The following BCL11A variants were observed in gnomAD, a reference collection of about 807,000 sequenced individuals.
The protein encoded by BCL11A is B cell CLL/lymphoma 11A.
Under a neutral mutation model 55.9 loss-of-function variants are expected in BCL11A, and 2 were observed. That is an observed-to-expected ratio of 0.04 (90% confidence interval 0.01 to 0.11). The LOEUF is 0.11. Ranked by LOEUF, BCL11A falls within the 10% of genes least tolerant of loss-of-function variation. The pLI is 1.00. For synonymous variants in BCL11A, 465 were observed against 473.4 expected (o/e 0.98, Z 0.23); for missense variants, 817 against 1,137.1 (o/e 0.72, Z 4.05).
chr2:60,518,463 A>C (rs1668832104), intron 2 of BCL11A, among the ~76,000 whole-genome samples: 1 of 152,234 alleles, frequency 6.6e-6, no homozygotes, highest in South Asian at 2.1e-4. Context: ...ATGACATTCC[A>C]ACTCACCTGC....
rs748945089 is a variant in BCL11A at position 60,461,298 on chromosome 2, G to A, written c.1614C>T (p.Asp538=). 86 of 1,601,838 alleles carry A rather than the reference G, an allele frequency of 5.4e-5. No individual in the cohort carries two copies. Among genetic ancestry groups the A allele is most frequent in the Non-Finnish European group, 6.9e-5 (81 of 1,178,544 alleles). Residue 538 remains aspartate, a synonymous_variant, in exon 4 of 4, where the codon GAC becomes GAT. Coordinates refer to ENST00000642384, the MANE Select transcript of BCL11A (RefSeq NM_022893.4). ...SSRGAVVGVG[D]ESRALPDVMQ... ...TGACGTCGGGCAGGGCGCGGCTCTC[G>A]TCGCCCACGCCCACGACCGCGCCCC...
At chr2:60,522,198 C>G (rs184975232) in intron 2 of BCL11A, 1 of 152,372 alleles carries the variant, frequency 6.6e-6, no homozygotes. Flanking sequence ...CTCCAACCAC[C>G]ACAGCTCACA....
intron 2 of BCL11A, chr2:60,542,129 C>T (rs981217836): frequency 1.2e-5 from 5 of 404,688 alleles, no homozygotes; most frequent in African/African-American, 8.3e-5. Flanking sequence ...ATTTTAAATA[C>T]CCTGATATAA....
chr2:60,521,098 C>T (rs1668964652), intron 2 of BCL11A, among the ~76,000 whole-genome samples: 1 of 81,570 alleles, frequency 1.2e-5, no homozygotes, highest in Non-Finnish European at 2.8e-5. Flanking sequence ...CACACACACA[C>T]ACTCACACAC....
In BCL11A at chr2:60,457,675, T is replaced by G. The variant is rs983791604; in HGVS notation, c.*2729A>C. On this transcript the variant is annotated 3_prime_UTR_variant, in exon 4 of 4. Transcript: ENST00000642384. Reference sequence around the variant, plus strand: ...AAAAAAACTGCAAAACATTGGTTTTTTTTTTTTTTTCCTTTTTTTTTCTTT... The same window carrying G: ...AAAAAAACTGCAAAACATTGGTTTTGTTTTTTTTTTCCTTTTTTTTTCTTT... 199 of 1,036,118 alleles carry G rather than the reference T, an allele frequency of 1.9e-4. No homozygotes were observed. Among genetic ancestry groups the G allele is most frequent in the Non-Finnish European group, 2.2e-4 (190 of 860,782 alleles). The allele number at this position is 1,036,118 out of a possible 1,614,324, so 64.2% of individuals were successfully genotyped here.
At chr2:60,501,501 CT>C (rs1679277663) in intron 2 of BCL11A, among the ~76,000 whole-genome samples, 1 of 144,660 alleles carries the variant, frequency 6.9e-6, no homozygotes, top group Non-Finnish European at 1.5e-5. Flanking sequence ...ACTGACACCG[CT>C]TTCTTTTTTT....
chr2:60,494,011 G>T (rs1173949223), intron 2 of BCL11A, among the ~76,000 whole-genome samples: 1 of 152,150 alleles, frequency 6.6e-6, no homozygotes, highest in Non-Finnish European at 1.5e-5. Flanking sequence ...GAGTGGAGGG[G>T]AAGTGGACAA....
At chr2:60,496,262 C>T (rs749789245) in intron 2 of BCL11A, among the ~76,000 whole-genome samples, 3 of 152,194 alleles carry the variant, frequency 2.0e-5, no homozygotes, top group Admixed American at 6.5e-5. Context: ...CCTTGTCCCA[C>T]GAGGCAACAC....
chr2:60,486,982 A>G (rs1410874243), intron 2 of BCL11A, among the ~76,000 whole-genome samples: 10 of 152,230 alleles, frequency 6.6e-5, no homozygotes, highest in Admixed American at 6.5e-4. Flanking sequence ...AATAAAAAAG[A>G]CTCGGGAGAT....
At position 60,460,106 on chromosome 2, in the gene BCL11A, T is replaced by A; in HGVS notation, c.*298A>T. ...TTGCACAAGAGAAAGGCTCAAAGTT[T>A]GCGTAAAATGCAATAGTATTGCCCC... On this transcript the variant is annotated 3_prime_UTR_variant, in exon 4 of 4. Transcript: ENST00000642384. 1 of 1,128,044 alleles carries A rather than the reference T, an allele frequency of 8.9e-7. No individual in the cohort carries two copies. The highest frequency in any genetic ancestry group is 1.1e-6 in the Non-Finnish European group (1 of 922,954). 69.9% of individuals were successfully genotyped at this position (1,128,044 alleles called of 1,614,324 possible).
intron 2 of BCL11A, among the ~76,000 whole-genome samples, chr2:60,508,291 G>C (rs1056249360): frequency 1.3e-5 from 2 of 152,146 alleles, no homozygotes; most frequent in African/African-American, 2.4e-5. Flanking sequence ...TCAGGACACA[G>C]GGAAGGCCTG....
chr2:60,481,069 C>A (rs1217349061), intron 2 of BCL11A, among the ~76,000 whole-genome samples: 1 of 152,174 alleles, frequency 6.6e-6, no homozygotes, highest in African/African-American at 2.4e-5. Context: ...CACCTGCAGC[C>A]ACCCACACCT....
exon 5 of BCL11A, chr2:60,451,431 C>A: frequency 4.4e-6 from 1 of 228,892 alleles, no homozygotes; most frequent in Admixed American, 5.7e-5. Flanking sequence ...AAGTTCTGTG[C>A]AAATTAACTG....
At chr2:60,517,659 T>C (rs1311835666) in intron 2 of BCL11A, among the ~76,000 whole-genome samples, 2 of 152,244 alleles carry the variant, frequency 1.3e-5, no homozygotes, top group Non-Finnish European at 2.9e-5. Context: ...CCATGTGCGA[T>C]TGGTACAGTC....
Position 60,457,856 on chromosome 2 carries a change from C to A in BCL11A, c.*2548G>T. ...AAGGAACAAAAAAGGATATGTACAA[C>A]CCCTATGACAGCCATCCATGTGACA... On this transcript the variant is annotated 3_prime_UTR_variant, in exon 4 of 4. Transcript: ENST00000642384. The A allele has an allele frequency of 9.5e-7, 1 of 1,050,626 alleles. No homozygotes were observed. The highest frequency in any genetic ancestry group is 1.1e-6 in the Non-Finnish European group (1 of 870,020). The allele number at this position is 1,050,626 out of a possible 1,614,324, so 65.1% of individuals were successfully genotyped here. A position where few individuals can be genotyped will look rare whatever the true frequency, so the allele number is the denominator to read the frequency against.
At chr2:60,497,633 T>C (rs1210864605) in intron 2 of BCL11A, among the ~76,000 whole-genome samples, 1 of 152,030 alleles carries the variant, frequency 6.6e-6, no homozygotes, top group African/African-American at 2.4e-5. Flanking sequence ...ATGATGATAA[T>C]AATAATAATA....
rs2457660 is a variant in BCL11A, at chr2:60,530,284, C to G, written c.385+15687G>C. ...CTTGCATATTATCGTTCTCAGCCAC[C>G]GACAGCTTAATTCACAGGCCCTTCC... On this transcript the variant is annotated intron_variant, in intron 2 of 3. Transcript: ENST00000642384. 2.0e-5 allele frequency among the ~76,000 whole-genome samples: 3 copies of G among 148,030 alleles called. 1 individual carries two copies. The South Asian group carries it at 6.4e-4, about 32-fold the overall frequency.
chr2:60,492,842 TACA>T (rs1678723638), intron 2 of BCL11A, among the ~76,000 whole-genome samples: 1 of 152,212 alleles, frequency 6.6e-6, no homozygotes, highest in Admixed American at 6.5e-5. Context: ...ATACTTTACA[TACA>T]ACAAAAGTCA....
downstream of BCL11A, chr2:60,451,138 T>C (rs1675707152): frequency 5.4e-6 from 1 of 186,052 alleles, no homozygotes; most frequent in South Asian, 2.0e-4. Context: ...GAGACAGCAC[T>C]GTATACAGTA....
Sources: gnomAD v4.1 joint callset for allele counts (sites outside exome capture counted in the v4.1 genomes callset) on GRCh38, gnomAD v4.1.1 for gene constraint, MANE v1.5 for transcripts, NCBI Gene and HGNC (gene_info 2026-07-23, HGNC 2026-07-21) for gene names.